The following ETFDH variants were observed in gnomAD, a reference collection of about 807,000 sequenced individuals.
ETFDH encodes electron transfer flavoprotein-ubiquinone oxidoreductase, mitochondrial.
Under a neutral mutation model 73.2 loss-of-function variants are expected in ETFDH, and 61 were observed. That is an observed-to-expected ratio of 0.83 (90% CI 0.68 to 1.03). The LOEUF (loss-of-function observed/expected upper bound fraction) is 1.03, where lower values mean the gene tolerates loss of function less well. Among genes scored for constraint, ETFDH ranks in the 50% least tolerant of loss-of-function variants. The pLI, the probability that ETFDH is intolerant of heterozygous loss-of-function variation, is 0.00. For synonymous variants in ETFDH, 243 were observed against 253.3 expected, an observed-to-expected ratio of 0.96 and a Z score of 0.39; for missense variants, 685 against 745.0, an observed-to-expected ratio of 0.92 and a Z score of 0.94.
At chr4:158,692,888 A>AC (rs1410503604) in intron 6 of ETFDH, among the ~76,000 whole-genome samples, 1 of 119,104 alleles carries the variant, frequency 8.4e-6, no homozygotes, top group African/African-American at 3.2e-5. Context: ...AAAAAAAAAA[A>AC]ACATATATAT....
intron 1 of ETFDH, chr4:158,679,294 G>A (rs1450879172): frequency 6.6e-6 from 1 of 151,894 alleles, no homozygotes; most frequent in Non-Finnish European, 1.5e-5. Flanking sequence ...TGATAGGGAC[G>A]ATTATCAAGA....
intron 8 of ETFDH, among the ~76,000 whole-genome samples, chr4:158,698,342 C>T (rs1774365017): frequency 6.6e-6 from 1 of 152,130 alleles, no homozygotes; most frequent in Non-Finnish European, 1.5e-5. Context: ...TTTTGACCCC[C>T]CAGTCCAATG....
chr4:158,705,214 T>C (rs1275659359), intron 10 of ETFDH, among the ~76,000 whole-genome samples: 2 of 152,196 alleles, frequency 1.3e-5, no homozygotes, highest in Non-Finnish European at 2.9e-5. Flanking sequence ...TTTTTGTTTT[T>C]AGAGACAGGG....
intron 6 of ETFDH, among the ~76,000 whole-genome samples, chr4:158,692,139 A>G (rs1580407872): frequency 6.6e-6 from 1 of 152,164 alleles, no homozygotes; most frequent in East Asian, 1.9e-4. Context: ...CACGCCTGTA[A>G]TCCCAGCACT....
At chr4:158,683,470 C>G (rs981807462) in intron 3 of ETFDH, among the ~76,000 whole-genome samples, 6 of 152,118 alleles carry the variant, frequency 3.9e-5, no homozygotes, top group Non-Finnish European at 8.8e-5. Flanking sequence ...TAATTAGGCC[C>G]AGTTGAATTT....
chr4:158,709,350 G>A lies in ETFDH; in HGVS notation c.*823G>A, dbSNP rs904257996. The A allele has an allele frequency of 6.1e-6, 1 of 162,980 alleles. No homozygotes were observed. The highest frequency in any genetic ancestry group is 2.4e-5 in the African/African-American group (1 of 41,542). 10.1% of individuals were successfully genotyped at this position (162,980 alleles called of 1,614,324 possible). A position where few individuals can be genotyped will look rare whatever the true frequency, so the allele number is the denominator to read the frequency against. On this transcript the variant is annotated 3_prime_UTR_variant, in exon 13 of 13. Coordinates refer to ENST00000511912, the MANE Select transcript of ETFDH (RefSeq NM_004453.4). ...AAGACCAACGTGACGTGACCAATAT[G>A]GTGAAACCCCATCTCTACTAAAAAT...
At chr4:158,690,966 C>T (rs1774150112) in intron 6 of ETFDH, among the ~76,000 whole-genome samples, 1 of 152,022 alleles carries the variant, frequency 6.6e-6, no homozygotes, top group Non-Finnish European at 1.5e-5. Context: ...TGGAATTTTT[C>T]TTTCATTAAA....
At chr4:158,702,850 G>T (rs1190441057) in intron 9 of ETFDH, among the ~76,000 whole-genome samples, 1 of 152,088 alleles carries the variant, frequency 6.6e-6, no homozygotes, top group Non-Finnish European at 1.5e-5. Flanking sequence ...GGGATGGCTG[G>T]GTCATATGGG....
chr4:158,706,693 T>A lies in ETFDH; in HGVS notation c.1533T>A (p.Asp511Glu). 6.2e-7 allele frequency: 1 copy of A among 1,614,174 alleles called. No homozygotes were observed. Among genetic ancestry groups the A allele is most frequent in the Non-Finnish European group, 8.5e-7 (1 of 1,180,006 alleles). Residue 511 changes from aspartate to glutamate, a missense_variant, in exon 12 of 13, where the codon GAT becomes GAA. Around this residue, in one of 3 missense-constraint regions of ETFDH, gnomAD observed 201 missense variants for 225.2 expected, o/e 0.89. Coordinates refer to ENST00000511912, the MANE Select transcript of ETFDH (RefSeq NM_004453.4). ...DCTPIEYPKP[D>E]GQISFDLLSS... ...CACCTATTGAGTATCCAAAACCCGA[T>A]GGACAGATCAGTTTTGACCTCTTGT...
chr4:158,686,255 C>G (rs549303462), intron 5 of ETFDH, among the ~76,000 whole-genome samples: 5 of 152,026 alleles, frequency 3.3e-5, no homozygotes, highest in Non-Finnish European at 7.4e-5. Context: ...GGTGTGATAC[C>G]CTTCCTCACC....
intron 6 of ETFDH, among the ~76,000 whole-genome samples, chr4:158,692,891 AT>A (rs1284306451): frequency 0.34 from 16,751 of 49,976 alleles, 1,335 homozygotes; most frequent in Middle Eastern, 0.47. Flanking sequence ...AAAAAAAAAC[AT>A]ATATATATAT....
rs1266261613 is a variant in ETFDH, at chr4:158,708,327, G to A, written c.1691-37G>A. ...CTTTTGAATTTAAAAATTTTTTAAA[G>A]TTAGGCACTTCAATATTATTTATTT... On this transcript the variant is annotated intron_variant, in intron 12 of 12. Transcript: ENST00000511912. 2.6e-6 allele frequency: 4 copies of A among 1,531,168 alleles called. No homozygotes were observed. The African/African-American group carries it at 4.1e-5, about 16-fold the overall frequency. 94.8% of individuals were successfully genotyped at this position (1,531,168 alleles called of 1,614,324 possible). A position where few individuals can be genotyped will look rare whatever the true frequency, so the allele number is the denominator to read the frequency against.
In ETFDH at chr4:158,682,310, C is replaced by T. The variant is rs2150305224; in HGVS notation, c.291C>T (p.Asp97=). The T allele has an allele frequency of 6.2e-7, 1 of 1,614,146 alleles. No homozygotes were observed. Among genetic ancestry groups the T allele is most frequent in the Non-Finnish European group, 8.5e-7 (1 of 1,179,998 alleles). ...LKQLAVAHEK[D]IRVCLVEKAA... ...AGTTGGCTGTGGCACATGAAAAGGA[C>T]ATCCGTGTGTGTCTAGTGGAGAAAG... The change falls in exon 3 of 13, where the codon GAC becomes GAT. Residue 97 remains aspartate (D), a synonymous_variant. Transcript: ENST00000511912.
chr4:158,706,643 C>A lies in ETFDH; in HGVS notation c.1483C>A (p.Arg495=). The part of the protein sequence containing the change: ...TLKHKGSDFE[R]LKPAKDCTPI... ...AATTGTTGAAGGTTCTGACTTTGAA[C>A]GGCTCAAGCCAGCCAAGGATTGCAC... The change falls in exon 12 of 13, where the codon CGG becomes AGG. Residue 495 remains arginine, a synonymous_variant. Coordinates refer to ENST00000511912, the MANE Select transcript of ETFDH (RefSeq NM_004453.4). 6.2e-7 allele frequency: 1 copy of A among 1,613,472 alleles called. No homozygotes were observed. Among genetic ancestry groups the A allele is most frequent in the South Asian group, 1.1e-5 (1 of 91,060 alleles).
At chr4:158,701,193 C>T (rs1380129533) in intron 9 of ETFDH, among the ~76,000 whole-genome samples, 1 of 152,140 alleles carries the variant, frequency 6.6e-6, no homozygotes, top group Non-Finnish European at 1.5e-5. Context: ...AGGATTTAAG[C>T]ACCTATTTTG....
chr4:158,686,720 C>G (rs116735643), intron 5 of ETFDH, among the ~76,000 whole-genome samples: 1 of 152,080 alleles, frequency 6.6e-6, no homozygotes, highest in South Asian at 2.1e-4. Flanking sequence ...CTATGACTTG[C>G]TTTAGGGGAG....
At chr4:158,683,030 T>A (rs139878465) in intron 3 of ETFDH, among the ~76,000 whole-genome samples, 115 of 152,340 alleles carry the variant, frequency 7.5e-4, no homozygotes, top group African/African-American at 2.5e-3. Flanking sequence ...AGGGTATTTT[T>A]AAACTTGTTC....
rs760234838 is a variant in ETFDH, at chr4:158,706,234, T to C, written c.1331T>C (p.Val444Ala). Residue 444 changes from valine to alanine, a missense_variant, in exon 11 of 13, where the codon GTA becomes GCA. Around this residue, in one of 3 missense-constraint regions of ETFDH, gnomAD observed 201 missense variants for 225.2 expected, o/e 0.89. Coordinates refer to ENST00000511912, the MANE Select transcript of ETFDH (RefSeq NM_004453.4). Reference sequence around the variant, plus strand: ...GAGGACAATTTGAAGAACTCATGGGTATGGAAAGAGCTATATTCTGTTAGA... The same window carrying C: ...GAGGACAATTTGAAGAACTCATGGGCATGGAAAGAGCTATATTCTGTTAGA... ...EYEDNLKNSW[V>A]WKELYSVRNI... 1.9e-6 allele frequency: 3 copies of C among 1,612,314 alleles called. No individual in the cohort carries two copies. Among genetic ancestry groups the C allele is most frequent in the Non-Finnish European group, 2.5e-6 (3 of 1,178,458 alleles).
At chr4:158,703,644 T>A in intron 10 of ETFDH, 53 bp downstream of exon 10, 1 of 1,084,784 alleles carries the variant, frequency 9.2e-7, no homozygotes, top group Non-Finnish European at 1.4e-6. Flanking sequence ...GTTATGTGTA[T>A]TTCAATTGAC....
Sources: gnomAD v4.1 joint callset for allele counts (sites outside exome capture counted in the v4.1 genomes callset) on GRCh38, gnomAD v4.1.1 for gene constraint, gnomAD v4.1.1 regional missense constraint, MANE v1.5 for transcripts, NCBI Gene and HGNC (gene_info 2026-07-23, HGNC 2026-07-21) for gene names.